Variants in ANKRD27 observed in about 807,000 individuals in gnomAD.
ANKRD27 encodes ankyrin repeat domain-containing protein 27.
A neutral mutation model predicts 129.7 loss-of-function variants in ANKRD27; 112 were observed. The observed-to-expected ratio is 0.86, with a 90% CI of 0.74 to 1.01. The LOEUF (loss-of-function observed/expected upper bound fraction) is 1.01, where lower values mean the gene tolerates loss of function less well. Among genes scored for constraint, ANKRD27 ranks in the 50% least tolerant of loss-of-function variants. The probability of loss-of-function intolerance (pLI) is 0.00; values close to 1 mark genes in which losing one functional copy is unlikely to be tolerated. For synonymous variants in ANKRD27, 516 were observed against 511.2 expected (o/e 1.01, Z -0.13); for missense variants, 1,258 against 1,300.5 (o/e 0.97, Z 0.50).
rs780814458 is a variant in ANKRD27 at position 32,625,936 on chromosome 19, C to G, written c.1567G>C (p.Glu523Gln). ...LLLLHYKASA[E>Q]VQDNNGNTPL... ...GTATTCCCATTGTTGTCCTGCACTT[C>G]CGCGCTGGCCTTGTAGTGCAGCAGC... is the stretch of plus-strand genomic sequence containing the variant. The change falls in exon 17 of 29, where the codon GAA becomes CAA. Residue 523 changes from glutamate to glutamine, a missense_variant. Transcript: ENST00000306065. The G allele has an allele frequency of 3.8e-5, 62 of 1,610,920 alleles. No individual in the cohort carries two copies. Among genetic ancestry groups the G allele is most frequent in the Non-Finnish European group, 5.1e-5 (60 of 1,179,160 alleles).
intron 28 of ANKRD27, among the ~76,000 whole-genome samples, chr19:32,598,735 G>A (rs890091243): frequency 1.3e-5 from 2 of 151,476 alleles, no homozygotes; most frequent in African/African-American, 2.4e-5. Flanking sequence ...AGATTTCAAC[G>A]ATTCTGGCTT....
chr19:32,643,878 GTTTTTTCTT>G, intron 5 of ANKRD27: 1 of 451,248 alleles, frequency 2.2e-6, no homozygotes, highest in South Asian at 2.7e-5. Context: ...CACTTGGTTT[GTTTTTTCTT>G]TTTAAGAGAC....
intron 2 of ANKRD27, among the ~76,000 whole-genome samples, chr19:32,653,072 C>T (rs1967449810): frequency 6.6e-6 from 1 of 152,198 alleles, no homozygotes; most frequent in Admixed American, 6.5e-5. Flanking sequence ...CCTGATATTC[C>T]TCTGGCCTGC....
chr19:32,598,526 TG>T lies in ANKRD27; in HGVS notation c.2920-149del. Reference sequence around the variant, plus strand: ...AATTTCAATTCTCACATCCCTGTCGTGGTAACATGGCATGTGCATACTACAT... The same window carrying T: ...AATTTCAATTCTCACATCCCTGTCGTGTAACATGGCATGTGCATACTACAT... On this transcript the variant is annotated intron_variant, in intron 28 of 28. Coordinates refer to ENST00000306065, the MANE Select transcript of ANKRD27 (RefSeq NM_032139.3). 3 of 696,284 alleles carry T rather than the reference TG, an allele frequency of 4.3e-6. No individual in the cohort carries two copies. The East Asian group carries it at 8.1e-5, about 19-fold the overall frequency. The allele number at this position is 696,284 out of a possible 1,614,324, so 43.1% of individuals were successfully genotyped here.
chr19:32,607,107 C>T (rs1971754563), intron 23 of ANKRD27, among the ~76,000 whole-genome samples: 1 of 147,910 alleles, frequency 6.8e-6, no homozygotes, highest in Non-Finnish European at 1.5e-5. Context: ...ACTGCACTCC[C>T]ACGCTCCAGC....
rs1355848198 is a variant in ANKRD27 at position 32,637,724 on chromosome 19, T to C, written c.1116+1632A>G. 2 of 152,308 alleles carry C rather than the reference T, an allele frequency of 1.3e-5. 1 individual carries two copies. Among genetic ancestry groups the C allele is most frequent in the Non-Finnish European group, 2.9e-5 (2 of 68,116 alleles). 9.4% of individuals were successfully genotyped at this position (152,308 alleles called of 1,614,324 possible). The stretch of plus-strand genomic sequence containing the variant: ...GCTCTGGATCCAGGAATCTCTGCAC[T>C]CTCAGGGGCCCAGGAAGCATCCCTG... On this transcript the variant is annotated intron_variant, in intron 12 of 28. Coordinates refer to ENST00000306065, the MANE Select transcript of ANKRD27 (RefSeq NM_032139.3).
chr19:32,614,694 AAAAT>A (rs985710975), intron 22 of ANKRD27, among the ~76,000 whole-genome samples: 2 of 152,118 alleles, frequency 1.3e-5, no homozygotes, highest in Admixed American at 6.6e-5. Flanking sequence ...AAAAAATAAA[AAAAT>A]AAATAAATAA....
At chr19:32,645,842 G>A (rs1216467287) in intron 4 of ANKRD27, among the ~76,000 whole-genome samples, 1 of 151,808 alleles carries the variant, frequency 6.6e-6, no homozygotes, top group Non-Finnish European at 1.5e-5. Context: ...CCCCATGTTG[G>A]TCACGCTGGT....
intron 12 of ANKRD27, chr19:32,637,479 G>A (rs1340651013): frequency 6.6e-6 from 1 of 152,254 alleles, no homozygotes; most frequent in Non-Finnish European, 1.5e-5. Context: ...AGGCCACTGA[G>A]TCCTCAAATT....
chr19:32,598,704 A>C (rs1599728755), intron 28 of ANKRD27, among the ~76,000 whole-genome samples: 1 of 152,366 alleles, frequency 6.6e-6, no homozygotes, highest in South Asian at 2.1e-4. Flanking sequence ...GGGAAAAGCT[A>C]GCACTTGATG....
intron 1 of ANKRD27, among the ~76,000 whole-genome samples, chr19:32,664,711 C>A (rs1057109184): frequency 6.7e-6 from 1 of 150,008 alleles, no homozygotes; most frequent in Non-Finnish European, 1.5e-5. Flanking sequence ...GTAATCCCAC[C>A]ACTTTGGAAG....
At chr19:32,625,217 T>C (rs536378683) in intron 17 of ANKRD27, among the ~76,000 whole-genome samples, 19 of 151,998 alleles carry the variant, frequency 1.3e-4, no homozygotes, top group South Asian at 2.1e-4. Context: ...GATCCCATCG[T>C]TGCACTCCAG....
intron 24 of ANKRD27, among the ~76,000 whole-genome samples, 191 bp from the exon 25 acceptor site, chr19:32,604,615 T>C (rs1440762193): frequency 6.6e-6 from 1 of 152,168 alleles, no homozygotes; most frequent in African/African-American, 2.4e-5. Flanking sequence ...GCAGCATTTA[T>C]CCTAATAGCA....
intron 25 of ANKRD27, among the ~76,000 whole-genome samples, chr19:32,602,879 ACT>A (rs1172133556): frequency 6.6e-6 from 1 of 151,866 alleles, no homozygotes; most frequent in African/African-American, 2.4e-5. Context: ...ACAAATTGAG[ACT>A]CTGTCTCAAA....
rs58398650 is a variant in ANKRD27 at position 32,616,696 on chromosome 19, G to A, written c.2052+893C>T. On this transcript the variant is annotated intron_variant, in intron 21 of 28. Transcript: ENST00000306065. ...GATGTACCTAATGGTTAGGAAAGAC[G>A]CCTTCCTTCAAGCCACGACATTCTC... Among the ~76,000 whole-genome samples the A allele has an allele frequency of 5.7e-3, 865 of 152,156 alleles. 29 individuals are homozygous for A. The East Asian group carries it at 0.099, about 17-fold the overall frequency.
At chr19:32,611,739 G>A (rs1043682030) in intron 22 of ANKRD27, among the ~76,000 whole-genome samples, 8 of 151,978 alleles carry the variant, frequency 5.3e-5, no homozygotes, top group Admixed American at 2.6e-4. Flanking sequence ...GCACCACCAC[G>A]GCCAGCTAAT....
At chr19:32,604,191 T>C in intron 25 of ANKRD27, 72 bp downstream of exon 25, 1 of 1,496,868 alleles carries the variant, frequency 6.7e-7, no homozygotes, top group Non-Finnish European at 9.0e-7. Context: ...TAGATCCAGC[T>C]TAAACAAAGG....
At chr19:32,639,247 T>A in intron 12 of ANKRD27, 109 bp downstream of exon 12, 1 of 1,376,476 alleles carries the variant, frequency 7.3e-7, no homozygotes, top group East Asian at 2.3e-5. Context: ...TGAGGCCCCA[T>A]TCCTGGGAGG....
chr19:32,666,594 A>G (rs754995300), intron 1 of ANKRD27, among the ~76,000 whole-genome samples: 18 of 151,138 alleles, frequency 1.2e-4, no homozygotes, highest in Non-Finnish European at 2.1e-4. Context: ...ATGAGCTCTC[A>G]GAGGGGGTGC....
Sources: allele counts gnomAD v4.1 joint callset (sites outside exome capture counted in the v4.1 genomes callset), GRCh38; gene constraint gnomAD v4.1.1; transcripts MANE v1.5; gene names NCBI Gene and HGNC (gene_info 2026-07-23, HGNC 2026-07-21).